Variants in TMEM132C observed in about 807,000 individuals in gnomAD.
TMEM132C encodes the protein transmembrane protein 132C.
TMEM132C carries 29 observed loss-of-function variants against 61.4 expected under a neutral mutation model. The ratio of observed to expected loss-of-function variants is 0.47; its 90% CI spans 0.35 to 0.64. The LOEUF (loss-of-function observed/expected upper bound fraction) is 0.64, where lower values mean the gene tolerates loss of function less well. Among genes scored for constraint, TMEM132C ranks in the 30% least tolerant of loss-of-function variants. The probability of loss-of-function intolerance (pLI) is 0.00; values close to 1 mark genes in which losing one functional copy is unlikely to be tolerated. For missense variants in TMEM132C, 1,408 were observed against 1,476.9 expected, an observed-to-expected ratio of 0.95 and a Z score of 0.76; for synonymous variants, 656 against 633.1, an observed-to-expected ratio of 1.04 and a Z score of -0.54.
At chr12:128,333,582 A>G (rs1872718744) in intron 1 of TMEM132C, among the ~76,000 whole-genome samples, 1 of 149,334 alleles carries the variant, frequency 6.7e-6, no homozygotes, top group Non-Finnish European at 1.5e-5. Context: ...TATATGTGAG[A>G]ATGTGTGATG....
At chr12:128,285,447 A>G (rs1359199729) in intron 1 of TMEM132C, among the ~76,000 whole-genome samples, 1 of 152,194 alleles carries the variant, frequency 6.6e-6, no homozygotes, top group Non-Finnish European at 1.5e-5. Flanking sequence ...TTAAAAGATT[A>G]AAGAGCTTAA....
chr12:128,625,039 C>T (rs1954001909), intron 4 of TMEM132C, among the ~76,000 whole-genome samples: 1 of 152,128 alleles, frequency 6.6e-6, no homozygotes, highest in Admixed American at 6.5e-5. Flanking sequence ...GGAGATTGTG[C>T]CCTAAAGCTG....
At chr12:128,309,078 C>T (rs1011330959) in intron 1 of TMEM132C, among the ~76,000 whole-genome samples, 1 of 152,038 alleles carries the variant, frequency 6.6e-6, no homozygotes. Flanking sequence ...AAGGTCCTCA[C>T]TTAAGCAGAA....
At chr12:128,457,545 C>T (rs1029315750) in intron 2 of TMEM132C, among the ~76,000 whole-genome samples, 2 of 149,068 alleles carry the variant, frequency 1.3e-5, no homozygotes, top group Non-Finnish European at 3.0e-5. Context: ...CACTGCACTC[C>T]AGCCTGGGTG....
chr12:128,373,798 AG>A (rs1874099238), intron 1 of TMEM132C, among the ~76,000 whole-genome samples: 1 of 152,212 alleles, frequency 6.6e-6, no homozygotes, highest in Non-Finnish European at 1.5e-5. Flanking sequence ...AGGGTTTTGG[AG>A]GAAGCTCAAG....
intron 3 of TMEM132C, among the ~76,000 whole-genome samples, chr12:128,591,559 T>C (rs539815012): frequency 5.5e-4 from 84 of 152,278 alleles, no homozygotes; most frequent in Non-Finnish European, 1.0e-3. Context: ...GAAACATCCT[T>C]GTAGAGGTTT....
Position 128,297,794 on chromosome 12 carries a change from A to C in TMEM132C, c.85+30307A>C, listed in dbSNP as rs534870560. 7.2e-4 allele frequency among the ~76,000 whole-genome samples: 110 copies of C among 152,288 alleles called. 1 individual carries two copies. The highest frequency in any genetic ancestry group is 2.6e-3 in the African/African-American group (107 of 41,564). On this transcript the variant is annotated intron_variant, in intron 1 of 8. Coordinates refer to ENST00000435159, the MANE Select transcript of TMEM132C (RefSeq NM_001136103.3). ...ATTTTTCAAAAAAAAGTTAAAACCC[A>C]ATCATTTACCTCCTTAGAGACCCCA...
At chr12:128,390,101 G>A (rs985524502) in intron 1 of TMEM132C, among the ~76,000 whole-genome samples, 2 of 152,122 alleles carry the variant, frequency 1.3e-5, no homozygotes, top group African/African-American at 4.8e-5. Flanking sequence ...AAATGCATGG[G>A]CTCAAGTGAT....
At chr12:128,582,151 A>G (rs1245169052) in intron 3 of TMEM132C, among the ~76,000 whole-genome samples, 2 of 152,254 alleles carry the variant, frequency 1.3e-5, no homozygotes, top group Admixed American at 1.3e-4. Context: ...CGAGAATAAG[A>G]AAAAGATAAA....
chr12:128,576,249 A>G (rs1483633618), intron 3 of TMEM132C, among the ~76,000 whole-genome samples: 1 of 151,812 alleles, frequency 6.6e-6, no homozygotes, highest in Non-Finnish European at 1.5e-5. Flanking sequence ...CGAGACTCTG[A>G]AAAAGATTAG....
At chr12:128,563,930 G>C (rs888879961) in intron 3 of TMEM132C, among the ~76,000 whole-genome samples, 5 of 152,294 alleles carry the variant, frequency 3.3e-5, no homozygotes, top group Middle Eastern at 3.4e-3. Flanking sequence ...TTGAGCAATA[G>C]GATGTAAATA....
chr12:128,385,707 G>A (rs1363867725), intron 1 of TMEM132C, among the ~76,000 whole-genome samples: 1 of 152,222 alleles, frequency 6.6e-6, no homozygotes, highest in East Asian at 1.9e-4. Context: ...AAGTTAAAAA[G>A]TTAAAGAGGA....
intron 1 of TMEM132C, among the ~76,000 whole-genome samples, chr12:128,294,993 A>AGATAGATAGATAGATAGATAGGTG (rs1248376597): frequency 6.6e-6 from 1 of 151,830 alleles, no homozygotes. Flanking sequence ...AATAATAGAT[A>AGATAGATAGATAGATAGATAGGTG]GATAGATAGG....
chr12:128,445,268 G>A (rs1194725476), intron 2 of TMEM132C, among the ~76,000 whole-genome samples: 2 of 151,820 alleles, frequency 1.3e-5, no homozygotes, highest in African/African-American at 2.4e-5. Context: ...ACAGTTCAGC[G>A]GCGTGCACAT....
At chr12:128,298,306 G>A (rs1871476624) in intron 1 of TMEM132C, among the ~76,000 whole-genome samples, 1 of 152,328 alleles carries the variant, frequency 6.6e-6, no homozygotes, top group Non-Finnish European at 1.5e-5. Flanking sequence ...CGGGCCATGT[G>A]CATTGTGTTT....
At chr12:128,655,852 C>A (rs1954320973) in intron 4 of TMEM132C, among the ~76,000 whole-genome samples, 1 of 152,088 alleles carries the variant, frequency 6.6e-6, no homozygotes, top group African/African-American at 2.4e-5. Flanking sequence ...TCTTTGTCCA[C>A]CATCTCAAGC....
In TMEM132C at chr12:128,707,303, G is replaced by A. The variant is rs980152137; in HGVS notation, c.*1008G>A. On this transcript the variant is annotated 3_prime_UTR_variant, in exon 9 of 9. Transcript: ENST00000435159. ...TGGGGATGTTCCTATATGGGAGAAA[G>A]TTGGGTTAAATCAAAAAAGAGGCCA... 5 of 152,222 alleles carry A rather than the reference G, an allele frequency of 3.3e-5. No homozygotes were observed. The highest frequency in any genetic ancestry group is 3.3e-4 in the Admixed American group (5 of 15,278). 9.4% of individuals were successfully genotyped at this position (152,222 alleles called of 1,614,324 possible). A position where few individuals can be genotyped will look rare whatever the true frequency, so the allele number is the denominator to read the frequency against.
chr12:128,503,656 C>T (rs1368433962), intron 2 of TMEM132C, among the ~76,000 whole-genome samples: 1 of 152,206 alleles, frequency 6.6e-6, no homozygotes, highest in Non-Finnish European at 1.5e-5. Flanking sequence ...GTATCCTTTC[C>T]TTTAATCCCA....
intron 2 of TMEM132C, among the ~76,000 whole-genome samples, chr12:128,502,372 A>C (rs1329486158): frequency 6.6e-6 from 1 of 152,258 alleles, no homozygotes; most frequent in Non-Finnish European, 1.5e-5. Flanking sequence ...GAGGCTTGGG[A>C]GAACAAGGTG....
Sources: allele counts gnomAD v4.1 joint callset (sites outside exome capture counted in the v4.1 genomes callset), GRCh38; gene constraint gnomAD v4.1.1; transcripts MANE v1.5; gene names NCBI Gene and HGNC (gene_info 2026-07-23, HGNC 2026-07-21).